The following ADGRB1 variants were observed in gnomAD, a reference collection of about 807,000 sequenced individuals.
ADGRB1 encodes brain-specific angiogenesis inhibitor 1.
In ADGRB1, 36 loss-of-function variants were observed where a neutral mutation model predicts 175.7. The ratio of observed to expected loss-of-function variants is 0.20; its 90% CI spans 0.16 to 0.27. The LOEUF is 0.27. Among genes scored for constraint, ADGRB1 ranks in the 10% least tolerant of loss-of-function variants. The pLI is 1.00. For synonymous variants in ADGRB1, 1,054 were observed against 979.4 expected, an observed-to-expected ratio of 1.08 and a Z score of -1.42; for missense variants, 1,731 against 2,255.3, an observed-to-expected ratio of 0.77 and a Z score of 4.71.
chr8:142,493,111 G>A lies in ADGRB1; in HGVS notation c.2675+2296G>A, dbSNP rs1237224120. Among the ~76,000 whole-genome samples the A allele has an allele frequency of 6.6e-6, 1 of 151,996 alleles. No homozygotes were observed. Among genetic ancestry groups the A allele is most frequent in the Non-Finnish European group, 1.5e-5 (1 of 67,982 alleles). ...GATCAGTCCCCAGGCAGTCTTGTCA[G>A]GTGGAGGGTGTGGGCCCCTGGGGGG... On this transcript the variant is annotated intron_variant, in intron 17 of 30. Transcript: ENST00000517894. This position sits in a 1 kb window ranked among gnomAD's most constrained non-coding sequence, Gnocchi z 5.0.
At chr8:142,519,225 AG>A (rs879474673) in intron 19 of ADGRB1, among the ~76,000 whole-genome samples, 11 of 152,060 alleles carry the variant, frequency 7.2e-5, no homozygotes, top group Non-Finnish European at 1.3e-4. Flanking sequence ...CTGAGTTCTG[AG>A]GAAGTTTTCT....
At position 142,462,298 on chromosome 8, in the gene ADGRB1, C is replaced by T. The variant is rs181181507; in HGVS notation, c.-219-1682C>T. On this transcript the variant is annotated intron_variant, in intron 1 of 30. Coordinates refer to ENST00000517894, the MANE Select transcript of ADGRB1 (RefSeq NM_001702.3). The stretch of plus-strand genomic sequence containing the variant: ...TCCAGAAGCCCCAGCCAGCTTCCTC[C>T]CCCTGCTGGAAGCACTTCCTGCAGC... Among the ~76,000 whole-genome samples the T allele has an allele frequency of 3.6e-3, 543 of 152,334 alleles. 3 individuals are homozygous for T. The highest frequency in any genetic ancestry group is 0.012 in the African/African-American group (486 of 41,574).
At chr8:142,522,993 C>T (rs1843939122) in intron 22 of ADGRB1, among the ~76,000 whole-genome samples, 1 of 152,264 alleles carries the variant, frequency 6.6e-6, no homozygotes, top group African/African-American at 2.4e-5. Flanking sequence ...ATTAGTCACT[C>T]TGAGCCTCAG....
chr8:142,520,385 T>C (rs1843730274), intron 19 of ADGRB1, among the ~76,000 whole-genome samples: 3 of 130,726 alleles, frequency 2.3e-5, no homozygotes, highest in Admixed American at 7.8e-5. Context: ...GTGGTGGTGA[T>C]GGTAGTGATT....
chr8:142,510,604 G>C lies in ADGRB1; in HGVS notation c.2676-328G>C, dbSNP rs1476205212. On this transcript the variant is annotated intron_variant, in intron 17 of 30. Transcript: ENST00000517894. This position sits in a 1 kb window ranked among gnomAD's most constrained non-coding sequence, Gnocchi z 6.3. The stretch of plus-strand genomic sequence containing the variant: ...CCCGGAGGAGCTGGGGGCGGCGGGG[G>C]CGCGGGGCGGGCGACTGCCGGGCCC... 1.4e-5 allele frequency among the ~76,000 whole-genome samples: 2 copies of C among 146,422 alleles called. No homozygotes were observed. The highest frequency in any genetic ancestry group is 4.9e-5 in the African/African-American group (2 of 40,756).
In ADGRB1 at chr8:142,464,972, C is replaced by A; in HGVS notation, c.774C>A (p.His258Gln). The change falls in exon 2 of 31, where the codon CAC becomes CAA. Residue 258 changes from histidine (H) to glutamine (Q), a missense_variant. Coordinates refer to ENST00000517894, the MANE Select transcript of ADGRB1 (RefSeq NM_001702.3). ...LTSLTQDRGG[H>Q]GATGGWKLWS... ...GCCTGACCCAGGACCGGGGCGGGCA[C>A]GGCGCCACAGGTGAGTGACTGGCGG... is the stretch of plus-strand genomic sequence containing the variant. The A allele has an allele frequency of 6.7e-7, 1 of 1,500,354 alleles. No homozygotes were observed. The highest frequency in any genetic ancestry group is 2.1e-5 in the Admixed American group (1 of 47,504). The allele number at this position is 1,500,354 out of a possible 1,614,324, so 92.9% of individuals were successfully genotyped here.
chr8:142,515,063 C>T (rs898821332), intron 18 of ADGRB1, among the ~76,000 whole-genome samples: 2 of 151,998 alleles, frequency 1.3e-5, no homozygotes, highest in African/African-American at 2.4e-5. Flanking sequence ...GGCAGAGACT[C>T]GGTCACCAGC....
intron 2 of ADGRB1, among the ~76,000 whole-genome samples, chr8:142,469,705 G>A (rs568448157): frequency 2.0e-5 from 3 of 151,900 alleles, no homozygotes; most frequent in African/African-American, 7.3e-5. Flanking sequence ...GCGTGCCTGT[G>A]TGTGAATGTG....
intron 20 of ADGRB1, among the ~76,000 whole-genome samples, chr8:142,521,303 C>T (rs556621080): frequency 1.4e-3 from 210 of 152,238 alleles, no homozygotes; most frequent in African/African-American, 5.0e-3. Flanking sequence ...CCACGGTCCA[C>T]CCTCTCACCC....
chr8:142,470,393 T>TTG (rs1840595158), intron 2 of ADGRB1, among the ~76,000 whole-genome samples: 1 of 151,938 alleles, frequency 6.6e-6, no homozygotes, highest in African/African-American at 2.4e-5. Context: ...GTGTGTGTCC[T>TTG]CGTGTGTGTG....
At chr8:142,490,668 G>A in intron 16 of ADGRB1, 104 bp from the exon 17 acceptor site, 15 of 1,347,408 alleles carry the variant, frequency 1.1e-5, no homozygotes, top group Non-Finnish European at 1.5e-5. Flanking sequence ...ACCCGCACAG[G>A]TAGCATGCCT....
intron 25 of ADGRB1, 91 bp from the exon 26 acceptor site, chr8:142,536,896 C>T (rs1844959840): frequency 4.4e-6 from 5 of 1,140,670 alleles, no homozygotes; most frequent in Non-Finnish European, 4.8e-6. Context: ...CCCGAGACGC[C>T]CGCCCCCCCA....
At position 142,520,925 on chromosome 8, in the gene ADGRB1, G is replaced by A; in HGVS notation, c.3024G>A (p.Lys1008=). The A allele has an allele frequency of 6.2e-7, 1 of 1,612,100 alleles. No individual in the cohort carries two copies. ...ILIGQTQTRN[K]VVCTLVAAFL... is the part of the protein sequence containing the mutation. ...TCGGGCAGACCCAGACCCGCAACAA[G>A]GTAGGCAGCCTTGCGTCCTGCCATG... is the stretch of plus-strand genomic sequence containing the variant. Residue 1008 remains lysine (K), a splice_region_variant and synonymous_variant, in exon 20 of 31, where the codon AAG becomes AAA. Transcript: ENST00000517894.
chr8:142,512,644 T>C (rs1486702218), intron 18 of ADGRB1, among the ~76,000 whole-genome samples: 1 of 152,206 alleles, frequency 6.6e-6, no homozygotes, highest in Non-Finnish European at 1.5e-5. Context: ...TAAGTCCCTC[T>C]GAGCCTCAGT....
intron 17 of ADGRB1, among the ~76,000 whole-genome samples, chr8:142,495,282 G>A (rs1353624614): frequency 6.7e-6 from 1 of 150,276 alleles, no homozygotes; most frequent in African/African-American, 2.4e-5. Context: ...AGTGACCAGT[G>A]ATGGCTGGCA....
Position 142,464,082 on chromosome 8 carries a change from C to G in ADGRB1, c.-117C>G. 3.6e-4 allele frequency: 123 copies of G among 337,238 alleles called. No homozygotes were observed. Among genetic ancestry groups the G allele is most frequent in the Middle Eastern group, 1.1e-3 (1 of 882 alleles). 20.9% of individuals were successfully genotyped at this position (337,238 alleles called of 1,614,324 possible). A position where few individuals can be genotyped will look rare whatever the true frequency, so the allele number is the denominator to read the frequency against. The stretch of plus-strand genomic sequence containing the variant: ...GGGGCCCTCTCCCATCCCACCCTTG[C>G]CCCGCCTCCCTGCCCCCACCGGGCC... On this transcript the variant is annotated 5_prime_UTR_variant, in exon 2 of 31. Transcript: ENST00000517894.
chr8:142,484,464 G>A (rs771472033), intron 12 of ADGRB1, among the ~76,000 whole-genome samples, 192 bp from the exon 13 acceptor site: 3 of 152,260 alleles, frequency 2.0e-5, no homozygotes, highest in Non-Finnish European at 4.4e-5. Flanking sequence ...CTTCCCATGG[G>A]TGGGGCACAG....
intron 1 of ADGRB1, among the ~76,000 whole-genome samples, chr8:142,461,506 C>T (rs930483258): frequency 5.3e-5 from 8 of 152,216 alleles, no homozygotes; most frequent in African/African-American, 1.7e-4. Flanking sequence ...CAGGCTGTAC[C>T]AGTTTCCAGG....
chr8:142,505,505 C>T (rs1432518098), intron 17 of ADGRB1, among the ~76,000 whole-genome samples: 3 of 151,892 alleles, frequency 2.0e-5, no homozygotes, highest in Non-Finnish European at 4.4e-5. Context: ...CTGAGGGCGA[C>T]GTGAGGTGGG....
Sources: allele counts gnomAD v4.1 joint callset (sites outside exome capture counted in the v4.1 genomes callset), GRCh38; gene constraint gnomAD v4.1.1; non-coding constraint Gnocchi (gnomAD v3.1); transcripts MANE v1.5; gene names NCBI Gene and HGNC (gene_info 2026-07-23, HGNC 2026-07-21).